QTGAL: variants seen among roughly 807,000 people sequenced by gnomAD.
The protein encoded by QTGAL is BGnT-like protein 1.
chr17:82,980,561 A>T, the QTGAL span, among the ~76,000 whole-genome samples: 1 of 152,314 alleles, frequency 6.6e-6, no homozygotes, highest in African/African-American at 2.4e-5. Context: ...GGATTCAGTT[A>T]ATTTTCTAGA....
At chr17:82,976,812 A>G in the QTGAL span, among the ~76,000 whole-genome samples, 32 of 26,484 alleles carry the variant, frequency 1.2e-3, 3 homozygotes, top group Non-Finnish European at 1.4e-3. Context: ...AGAGGCCACT[A>G]TGGAGAGTCA....
chr17:83,040,241 G>A, the QTGAL span, among the ~76,000 whole-genome samples: 7 of 152,144 alleles, frequency 4.6e-5, no homozygotes, highest in African/African-American at 9.7e-5. Context: ...TGATTCTAAC[G>A]TGCACAAAGT....
chr17:83,020,045 T>A, the QTGAL span, among the ~76,000 whole-genome samples: 1 of 152,166 alleles, frequency 6.6e-6, no homozygotes. Flanking sequence ...AGAATAGAAC[T>A]ATTAGAACTA....
the QTGAL span, among the ~76,000 whole-genome samples, chr17:82,996,440 C>T: frequency 2.0e-5 from 3 of 150,882 alleles, no homozygotes; most frequent in South Asian, 2.1e-4. Flanking sequence ...GAGAATCACT[C>T]GAACCCTGGA....
At chr17:83,006,857 C>G in the QTGAL span, 143 of 964,048 alleles carry the variant, frequency 1.5e-4, no homozygotes, top group African/African-American at 2.4e-3. The surrounding 1 kb of genome is among the most constrained non-coding windows in gnomAD (Gnocchi z 5.8). Flanking sequence ...CCCAGGAGAG[C>G]AACTGCCGGG....
chr17:82,946,850 C>A, the QTGAL span: 1 of 1,490,738 alleles, frequency 6.7e-7, no homozygotes, highest in South Asian at 1.2e-5. Flanking sequence ...AGAAACAAAC[C>A]CAGATGGTTC....
the QTGAL span, among the ~76,000 whole-genome samples, chr17:82,970,181 C>G: frequency 6.6e-6 from 1 of 152,186 alleles, no homozygotes; most frequent in Admixed American, 6.5e-5. Context: ...CCGAGGGGGT[C>G]CTGGAAGCCA....
chr17:82,952,323 A>G, the QTGAL span, among the ~76,000 whole-genome samples: 17 of 152,238 alleles, frequency 1.1e-4, no homozygotes, highest in Middle Eastern at 3.4e-3. Context: ...CCCCAACAGT[A>G]CCGCTTGGGG....
the QTGAL span, chr17:83,006,394 T>G: frequency 2.0e-6 from 2 of 985,466 alleles, no homozygotes; most frequent in Non-Finnish European, 2.4e-6. This position sits in a 1 kb window ranked among gnomAD's most constrained non-coding sequence, Gnocchi z 5.8. Flanking sequence ...TTAAACTTAC[T>G]TTGAGAAAAT....
chr17:83,017,131 G>A, the QTGAL span, among the ~76,000 whole-genome samples: 6 of 152,158 alleles, frequency 3.9e-5, no homozygotes, highest in Non-Finnish European at 8.8e-5. Flanking sequence ...ACCCATGTGT[G>A]GGAGCTGAGG....
the QTGAL span, among the ~76,000 whole-genome samples, chr17:83,010,558 C>T: frequency 1.3e-5 from 2 of 152,256 alleles, no homozygotes; most frequent in African/African-American, 4.8e-5. Flanking sequence ...GGGGCCGTGG[C>T]CCTCCCAGGC....
At chr17:83,012,641 A>ACGGGGCGT in the QTGAL span, among the ~76,000 whole-genome samples, 1 of 152,172 alleles carries the variant, frequency 6.6e-6, no homozygotes, top group African/African-American at 2.4e-5. Context: ...TGGGCAGCTA[A>ACGGGGCGT]CGTGGCAGGG....
the QTGAL span, chr17:83,014,542 CGTTT>C: frequency 8.1e-6 from 13 of 1,613,154 alleles, no homozygotes; most frequent in African/African-American, 4.0e-5. Context: ...ACACACTTTC[CGTTT>C]GTTTGTTTGC....
the QTGAL span, among the ~76,000 whole-genome samples, chr17:82,972,626 C>G: frequency 1.6e-5 from 2 of 123,914 alleles, no homozygotes; most frequent in Non-Finnish European, 3.2e-5. Flanking sequence ...ACACCATGGG[C>G]CAGAAGGACC....
At chr17:82,980,883 C>T in the QTGAL span, among the ~76,000 whole-genome samples, 16 of 152,282 alleles carry the variant, frequency 1.1e-4, no homozygotes, top group South Asian at 3.3e-3. Context: ...GGGTGGGGCT[C>T]AAAGTTCCAA....
the QTGAL span, among the ~76,000 whole-genome samples, chr17:83,033,511 G>A: frequency 1.1e-4 from 16 of 147,264 alleles, no homozygotes; most frequent in Non-Finnish European, 1.8e-4. Flanking sequence ...CCGCTCTGTC[G>A]CCCAGGCTGG....
the QTGAL span, among the ~76,000 whole-genome samples, chr17:82,983,039 G>A: frequency 0.078 from 11,849 of 152,188 alleles, 567 homozygotes; most frequent in East Asian, 0.17. Flanking sequence ...CCAGCACTTC[G>A]GGAGGCCGAG....
chr17:83,005,543 A>G, the QTGAL span: 2 of 701,942 alleles, frequency 2.8e-6, no homozygotes, highest in Non-Finnish European at 5.2e-6. This position sits in a 1 kb window ranked among gnomAD's most constrained non-coding sequence, Gnocchi z 5.6. Context: ...CAAATGGCCC[A>G]TATGCAAGGT....
chr17:83,005,357 C>T, the QTGAL span: 12 of 717,452 alleles, frequency 1.7e-5, no homozygotes, highest in Admixed American at 2.6e-5. The surrounding 1 kb of genome is among the most constrained non-coding windows in gnomAD (Gnocchi z 5.6). Flanking sequence ...AGGCAAACAC[C>T]GGGAGTCGAG....
Sources: gnomAD v4.1 joint callset for allele counts (sites outside exome capture counted in the v4.1 genomes callset) on GRCh38, gnomAD v4.1.1 for gene constraint, Gnocchi (gnomAD v3.1) non-coding constraint, MANE v1.5 for transcripts, NCBI Gene and HGNC (gene_info 2026-07-23, HGNC 2026-07-21) for gene names.